CENPC: variants seen among roughly 807,000 people sequenced by gnomAD.
CENPC encodes centromere protein C.
Under a neutral mutation model 112.1 loss-of-function variants are expected in CENPC, and 63 were observed. The observed-to-expected ratio is 0.56, with a 90% CI of 0.46 to 0.69. CENPC has a LOEUF of 0.69. Ranked by LOEUF, CENPC falls within the 30% of genes least tolerant of loss-of-function variation. CENPC has a pLI of 0.00. For missense variants in CENPC, 1,000 were observed against 1,103.8 expected (o/e 0.91, Z 1.33); for synonymous variants, 333 against 367.6 (o/e 0.91, Z 1.08).
intron 17 of CENPC, among the ~76,000 whole-genome samples, chr4:67,483,886 TAAC>T (rs572125745): frequency 1.3e-3 from 199 of 152,260 alleles, no homozygotes; most frequent in African/African-American, 4.4e-3. Flanking sequence ...GTCCAAAAGT[TAAC>T]AACAACAACA....
At chr4:67,510,748 G>A (rs1014781973) in intron 9 of CENPC, 4 of 307,892 alleles carry the variant, frequency 1.3e-5, no homozygotes, top group East Asian at 8.1e-5. Flanking sequence ...TCACACGTAC[G>A]ACAGGCAGGC....
intron 13 of CENPC, among the ~76,000 whole-genome samples, chr4:67,494,681 A>G (rs1725382389): frequency 6.6e-6 from 1 of 152,252 alleles, no homozygotes; most frequent in Non-Finnish European, 1.5e-5. Flanking sequence ...ACTATCATGT[A>G]TCTTGACTGG....
chr4:67,534,833 C>G (rs1726668443), intron 4 of CENPC, among the ~76,000 whole-genome samples: 1 of 152,014 alleles, frequency 6.6e-6, no homozygotes, highest in Non-Finnish European at 1.5e-5. Flanking sequence ...GAGGAGACAG[C>G]TAAGGATCAC....
chr4:67,539,776 T>G, intron 4 of CENPC, 64 bp downstream of exon 4: 1 of 783,520 alleles, frequency 1.3e-6, no homozygotes, highest in Non-Finnish European at 2.0e-6. Context: ...TATACATGAG[T>G]ATATTGTGTA....
rs533324106 is a variant in CENPC, at chr4:67,508,989, G to C, written c.1729C>G (p.Pro577Ala). ...GTTGCTGTCTTCTGCCTTTTAAGTG[G>C]AATAGTTTTTTTCCTAATATTCTTA... Reference protein sequence around the residue: ...SSKNIRKKTIPLKRQKTATKG... With the variant: ...SSKNIRKKTIALKRQKTATKG... Residue 577 changes from proline to alanine, a missense_variant, in exon 10 of 19, where the codon CCA becomes GCA. By Grantham distance (27) the Pro-to-Ala change is conservative. Transcript: ENST00000273853. The C allele has an allele frequency of 1.2e-5, 20 of 1,613,300 alleles. No individual in the cohort carries two copies. Among genetic ancestry groups the C allele is most frequent in the Non-Finnish European group, 1.7e-5 (20 of 1,179,636 alleles).
intron 5 of CENPC, among the ~76,000 whole-genome samples, chr4:67,529,033 T>C (rs562740281): frequency 6.6e-6 from 1 of 152,336 alleles, no homozygotes; most frequent in South Asian, 2.1e-4. Flanking sequence ...AAGTGGTATC[T>C]CCCTAGGGTC....
rs1184547214 is a variant in CENPC at position 67,503,628 on chromosome 4, C to T, written c.2131+1577G>A. Among the ~76,000 whole-genome samples the T allele has an allele frequency of 3.3e-5, 5 of 152,064 alleles. No individual in the cohort carries two copies. In the East Asian group the frequency reaches 7.7e-4, roughly 23 times the overall value. On this transcript the variant is annotated intron_variant, in intron 12 of 18. Coordinates refer to ENST00000273853, the MANE Select transcript of CENPC (RefSeq NM_001812.4). Reference sequence around the variant, plus strand: ...CCATAATTTTTCATATTTAAGAATTCCATAAATATTAAAAGTATATTCAAA... The same window carrying T: ...CCATAATTTTTCATATTTAAGAATTTCATAAATATTAAAAGTATATTCAAA...
rs1560431351 is a variant in CENPC at position 67,508,994 on chromosome 4, GT to G, written c.1723del (p.Thr575LeufsTer21). The G allele has an allele frequency of 2.5e-6, 4 of 1,613,152 alleles. No homozygotes were observed. The highest frequency in any genetic ancestry group is 1.7e-5 in the Admixed American group (1 of 59,868). On this transcript the variant is annotated frameshift_variant, in exon 10 of 19. Coordinates refer to ENST00000273853, the MANE Select transcript of CENPC (RefSeq NM_001812.4). LOFTEE classifies it high-confidence loss of function. ...TGTCTTCTGCCTTTTAAGTGGAATA[GT>G]TTTTTTCCTAATATTCTTAGATGAC... ...NQSSKNIRKK[T>X]IPLKRQKTAT... is the part of the protein sequence containing the mutation.
chr4:67,543,739 T>C (rs1316514238), intron 2 of CENPC, among the ~76,000 whole-genome samples: 3 of 152,176 alleles, frequency 2.0e-5, no homozygotes, highest in Non-Finnish European at 4.4e-5. Flanking sequence ...AAATTTACTT[T>C]TTACAGGTTT....
rs1404117239 is a variant in CENPC at position 67,469,014 on chromosome 4, A to C, written c.*3591T>G. 1 of 152,234 alleles carries C rather than the reference A, an allele frequency of 6.6e-6. No individual in the cohort carries two copies. Among genetic ancestry groups the C allele is most frequent in the Non-Finnish European group, 1.5e-5 (1 of 68,034 alleles). 9.4% of individuals were successfully genotyped at this position (152,234 alleles called of 1,614,324 possible). On this transcript the variant is annotated 3_prime_UTR_variant, in exon 19 of 19. Coordinates refer to ENST00000273853, the MANE Select transcript of CENPC (RefSeq NM_001812.4). The stretch of plus-strand genomic sequence containing the variant: ...GAAACAGTTCTATGTTGATTGCAGT[A>C]GTTACACAAATTCACACATATGATG...
intron 4 of CENPC, among the ~76,000 whole-genome samples, chr4:67,531,834 A>C (rs1008812267): frequency 6.6e-6 from 1 of 152,176 alleles, no homozygotes; most frequent in Non-Finnish European, 1.5e-5. Flanking sequence ...GAATGACTAT[A>C]ATAAGTATCA....
chr4:67,478,761 TAA>T (rs1202989038), intron 17 of CENPC, among the ~76,000 whole-genome samples: 3 of 151,976 alleles, frequency 2.0e-5, no homozygotes, highest in African/African-American at 7.3e-5. Flanking sequence ...ATGCTCCACT[TAA>T]AAGATACAGA....
Position 67,506,501 on chromosome 4 carries a change from G to A in CENPC, c.2051+287C>T, listed in dbSNP as rs138588195. 5.2e-3 allele frequency among the ~76,000 whole-genome samples: 790 copies of A among 152,242 alleles called. 9 individuals carry two copies. The highest frequency in any genetic ancestry group is 0.032 in the South Asian group (155 of 4,826). ...AAGGTCTACTGGAAACAGCCAGAAC[G>A]GAACTGGGGTCTCCAGCCAACAGCG... On this transcript the variant is annotated intron_variant, in intron 11 of 18. Transcript: ENST00000273853.
chr4:67,506,776 A>C lies in CENPC; in HGVS notation c.2051+12T>G. Reference sequence around the variant, plus strand: ...AATATATACAACTATTATCCTTACAATACACGCATACCTTTCCTCTAAAAC... The same window carrying C: ...AATATATACAACTATTATCCTTACACTACACGCATACCTTTCCTCTAAAAC... On this transcript the variant is annotated intron_variant, in intron 11 of 18. Transcript: ENST00000273853. 6.4e-7 allele frequency: 1 copy of C among 1,570,922 alleles called. No homozygotes were observed. Among genetic ancestry groups the C allele is most frequent in the Non-Finnish European group, 8.6e-7 (1 of 1,158,410 alleles).
intron 11 of CENPC, 114 bp from the exon 12 acceptor site, chr4:67,505,398 C>A: frequency 4.6e-6 from 3 of 654,896 alleles, no homozygotes; most frequent in Non-Finnish European, 5.3e-6. Flanking sequence ...CTTATAAAAC[C>A]AATAGTGATG....
intron 18 of CENPC, among the ~76,000 whole-genome samples, chr4:67,473,470 C>T (rs1308545858): frequency 8.5e-5 from 13 of 152,126 alleles, no homozygotes. Context: ...AGAATGTAAG[C>T]TCTATAAAAG....
intron 5 of CENPC, among the ~76,000 whole-genome samples, chr4:67,523,309 T>C (rs1726282930): frequency 6.6e-6 from 1 of 151,200 alleles, no homozygotes; most frequent in Non-Finnish European, 1.5e-5. Context: ...GGAGACTCTC[T>C]CAAAAAAACA....
chr4:67,490,251 T>A, intron 16 of CENPC, 130 bp from the exon 17 acceptor site: 1 of 560,170 alleles, frequency 1.8e-6, no homozygotes. Context: ...TTCAGAGCAT[T>A]AACTCTGGAG....
intron 17 of CENPC, among the ~76,000 whole-genome samples, chr4:67,478,146 C>T (rs1243012455): frequency 2.0e-5 from 3 of 152,158 alleles, no homozygotes; most frequent in Admixed American, 1.3e-4. Context: ...TCAAGGATAA[C>T]TTCCCTGGCC....
Sources: gnomAD v4.1 joint callset for allele counts (sites outside exome capture counted in the v4.1 genomes callset) on GRCh38, gnomAD v4.1.1 for gene constraint, MANE v1.5 for transcripts, NCBI Gene and HGNC (gene_info 2026-07-23, HGNC 2026-07-21) for gene names.